The following TRIM2 variants were observed in gnomAD, a reference collection of about 807,000 sequenced individuals.
TRIM2 encodes tripartite motif-containing protein 2.
Under a neutral mutation model 75.2 loss-of-function variants are expected in TRIM2, and 20 were observed. The observed-to-expected ratio is 0.27, with a 90% CI of 0.19 to 0.39. The LOEUF (loss-of-function observed/expected upper bound fraction) is 0.39, where lower values mean the gene tolerates loss of function less well. TRIM2 is among the 10% of genes least tolerant of loss of function. The pLI, the probability that TRIM2 is intolerant of heterozygous loss-of-function variation, is 1.00. For missense variants in TRIM2, 660 were observed against 990.8 expected (o/e 0.67, Z 4.48); for synonymous variants, 373 against 388.3 (o/e 0.96, Z 0.46).
At chr4:153,170,608 C>A (rs1217145627) in intron 1 of TRIM2, among the ~76,000 whole-genome samples, 1 of 152,168 alleles carries the variant, frequency 6.6e-6, no homozygotes, top group Admixed American at 6.5e-5. Flanking sequence ...CATTCACCCA[C>A]AAGCTAAATT....
intron 1 of TRIM2, among the ~76,000 whole-genome samples, chr4:153,173,665 A>AAATAAT (rs986043764): frequency 2.0e-5 from 3 of 149,910 alleles, no homozygotes; most frequent in East Asian, 2.0e-4. Flanking sequence ...CTCCGTCTCA[A>AAATAAT]AATAATAATA....
chr4:153,224,418 T>C (rs576208042), intron 1 of TRIM2, among the ~76,000 whole-genome samples: 110 of 152,344 alleles, frequency 7.2e-4, no homozygotes, highest in Non-Finnish European at 1.5e-3. Context: ...TGGCCTGTTC[T>C]GGGCTAGGTA....
chr4:153,224,377 A>G (rs1299917312), intron 1 of TRIM2, among the ~76,000 whole-genome samples: 1 of 152,170 alleles, frequency 6.6e-6, no homozygotes, highest in East Asian at 1.9e-4. Context: ...GGCCATCTAC[A>G]CTAATGAAAA....
chr4:153,254,633 G>A (rs908224922), intron 1 of TRIM2, among the ~76,000 whole-genome samples: 8 of 152,212 alleles, frequency 5.3e-5, no homozygotes, highest in Admixed American at 2.0e-4. Context: ...TGGCATTTCC[G>A]TGGGGGCCTC....
intron 1 of TRIM2, 110 bp downstream of exon 1, chr4:153,204,670 T>C: frequency 7.2e-7 from 1 of 1,390,952 alleles, no homozygotes; most frequent in Non-Finnish European, 1.0e-6. Context: ...GGTTTTAATT[T>C]TTTCCCTGCA....
chr4:153,290,457 T>C (rs2150123947), intron 3 of TRIM2, among the ~76,000 whole-genome samples: 1 of 152,318 alleles, frequency 6.6e-6, no homozygotes, highest in East Asian at 1.9e-4. Context: ...CCTTAGCTCA[T>C]ATTGCCCCTC....
intron 6 of TRIM2, among the ~76,000 whole-genome samples, chr4:153,313,162 C>G (rs1670814588): frequency 6.6e-6 from 1 of 152,122 alleles, no homozygotes; most frequent in South Asian, 2.1e-4. Flanking sequence ...CTCCCCACTA[C>G]CAGAAACAAC....
chr4:153,269,757 A>G (rs1430348451), intron 1 of TRIM2, among the ~76,000 whole-genome samples: 1 of 152,112 alleles, frequency 6.6e-6, no homozygotes, highest in East Asian at 1.9e-4. Flanking sequence ...TCTTTGTACA[A>G]CATGCCCTCT....
At chr4:153,173,401 C>T (rs981099885) in intron 1 of TRIM2, among the ~76,000 whole-genome samples, 55 of 152,064 alleles carry the variant, frequency 3.6e-4, no homozygotes, top group African/African-American at 1.3e-3. Context: ...CAGTGGCTCA[C>T]ACCTGTAATC....
In TRIM2 at chr4:153,220,282, G is replaced by GAA. The variant is rs34263796; in HGVS notation, c.30+15731_30+15732dup. On this transcript the variant is annotated intron_variant, in intron 1 of 11. Transcript: ENST00000338700. ...TCAGATAGAATGAGAAAAGCTTTAG[G>GAA]AAAAAAAAAATCAAAGTTCTAAGGC... 8.6e-5 allele frequency among the ~76,000 whole-genome samples: 13 copies of GAA among 150,422 alleles called. 1 individual carries two copies. The highest frequency in any genetic ancestry group is 6.8e-3 in the Middle Eastern group (2 of 294).
intron 3 of TRIM2, among the ~76,000 whole-genome samples, chr4:153,285,715 C>T (rs1369642424): frequency 6.6e-6 from 1 of 151,918 alleles, no homozygotes; most frequent in Non-Finnish European, 1.5e-5. Flanking sequence ...TATCCTGCAA[C>T]TTTGCTGAAT....
chr4:153,189,940 G>A (rs1579414069), intron 1 of TRIM2, among the ~76,000 whole-genome samples: 1 of 152,206 alleles, frequency 6.6e-6, no homozygotes, highest in African/African-American at 2.4e-5. Context: ...TCTTGGTAGG[G>A]GTTCAACTTA....
chr4:153,314,687 C>A (rs1029309849), intron 6 of TRIM2, among the ~76,000 whole-genome samples: 2 of 151,718 alleles, frequency 1.3e-5, no homozygotes, highest in Admixed American at 6.6e-5. Context: ...AAGCACCCTG[C>A]GAGAATATCT....
At chr4:153,309,617 T>C (rs1765803607) in intron 6 of TRIM2, 1 of 152,018 alleles carries the variant, frequency 6.6e-6, no homozygotes, top group Non-Finnish European at 1.5e-5. Flanking sequence ...CATCTAGATT[T>C]ATTTAGCATT....
At chr4:153,207,420 G>A (rs1426068704) in intron 1 of TRIM2, among the ~76,000 whole-genome samples, 1 of 152,150 alleles carries the variant, frequency 6.6e-6, no homozygotes, top group Admixed American at 6.5e-5. Flanking sequence ...TTACTTATAT[G>A]TTATTGGGCA....
At chr4:153,208,408 A>G (rs1736046947) in intron 1 of TRIM2, among the ~76,000 whole-genome samples, 1 of 151,970 alleles carries the variant, frequency 6.6e-6, no homozygotes, top group Non-Finnish European at 1.5e-5. Flanking sequence ...TTTTAGATAA[A>G]TTTATCTTTA....
At chr4:153,243,968 G>C (rs565511112) in intron 1 of TRIM2, among the ~76,000 whole-genome samples, 1 of 151,408 alleles carries the variant, frequency 6.6e-6, no homozygotes, top group Non-Finnish European at 1.5e-5. Flanking sequence ...ACAGGCATGC[G>C]CCATCACTTC....
chr4:153,239,217 T>C (rs1042065708), intron 1 of TRIM2, among the ~76,000 whole-genome samples: 14 of 152,098 alleles, frequency 9.2e-5, no homozygotes, highest in Non-Finnish European at 1.8e-4. Flanking sequence ...CCAGGCGTCG[T>C]GGCGGGCACC....
chr4:153,215,480 C>T (rs1738220611), intron 1 of TRIM2, among the ~76,000 whole-genome samples: 1 of 151,762 alleles, frequency 6.6e-6, no homozygotes, highest in South Asian at 2.1e-4. Flanking sequence ...GCTCTTGCTG[C>T]CATTTATCAT....
Sources: gnomAD v4.1 joint callset for allele counts (sites outside exome capture counted in the v4.1 genomes callset) on GRCh38, gnomAD v4.1.1 for gene constraint, MANE v1.5 for transcripts, NCBI Gene and HGNC (gene_info 2026-07-23, HGNC 2026-07-21) for gene names.